Variants in MLLT11 observed in about 807,000 individuals in gnomAD.
The protein encoded by MLLT11 is MLLT11 transcription factor 7 cofactor.
Under a neutral mutation model 5.3 loss-of-function variants are expected in MLLT11, and 1 was observed. That is an observed-to-expected ratio of 0.19 (90% CI 0.07 to 0.89). The LOEUF is 0.89. Among genes scored for constraint, MLLT11 ranks in the 40% least tolerant of loss-of-function variants. MLLT11 has a pLI of 0.67. For synonymous variants in MLLT11, 38 were observed against 41.7 expected, an observed-to-expected ratio of 0.91 and a Z score of 0.34; for missense variants, 87 against 107.3, an observed-to-expected ratio of 0.81 and a Z score of 0.83.
intron 1 of MLLT11, among the ~76,000 whole-genome samples, chr1:151,065,026 C>A (rs1295907400): frequency 6.6e-6 from 1 of 151,954 alleles, no homozygotes; most frequent in Non-Finnish European, 1.5e-5. Flanking sequence ...GGGTGGAGAG[C>A]ATTTGTGGAG....
chr1:151,069,251 T>C lies in MLLT11; in HGVS notation c.*1754T>C, dbSNP rs1236160219. Among the ~76,000 whole-genome samples the C allele has an allele frequency of 6.6e-6, 1 of 152,056 alleles. No homozygotes were observed. Among genetic ancestry groups the C allele is most frequent in the Admixed American group, 6.6e-5 (1 of 15,256 alleles). On this transcript the variant is annotated 3_prime_UTR_variant, in exon 2 of 2. Transcript: ENST00000368921. Reference sequence around the variant, plus strand: ...GAGAAACTGTAAATACCAATATGGATAGGACAGAATTGGGCAGTGTACTAT... The same window carrying C: ...GAGAAACTGTAAATACCAATATGGACAGGACAGAATTGGGCAGTGTACTAT...
Position 151,067,474 on chromosome 1 carries a change from T to G in MLLT11, c.250T>G (p.Ser84Ala). ...GAGAGCTCCCATTGCCAGCATCCAC[T>G]CCTTCGAACTGGACTTGCTCTAAGG... Reference protein sequence around the residue: ...FWRAPIASIHSFELDLL With the variant: ...FWRAPIASIHAFELDLL The change falls in exon 2 of 2, where the codon TCC becomes GCC. Residue 84 changes from serine (S) to alanine (A), a missense_variant. By Grantham distance (99) the Ser-to-Ala change is moderately conservative. Coordinates refer to ENST00000368921, the MANE Select transcript of MLLT11 (RefSeq NM_006818.4). 6.2e-7 allele frequency: 1 copy of G among 1,613,886 alleles called. No individual in the cohort carries two copies. Among genetic ancestry groups the G allele is most frequent in the African/African-American group, 1.3e-5 (1 of 75,024 alleles).
rs1201280235 is a variant in MLLT11, at chr1:151,068,196, CTG to C, written c.*702_*703del. The C allele has an allele frequency of 4.2e-6, 1 of 239,124 alleles. No homozygotes were observed. Among genetic ancestry groups the C allele is most frequent in the Non-Finnish European group, 8.9e-6 (1 of 112,754 alleles). 14.8% of individuals were successfully genotyped at this position (239,124 alleles called of 1,614,324 possible). On this transcript the variant is annotated 3_prime_UTR_variant, in exon 2 of 2. Transcript: ENST00000368921. ...ACTCACTTTACAACTTTGCTCCTAACTGTGGGTTGAAAACTCTAGCTAAAGAA... is the reference window on the plus strand; with the variant it reads ...ACTCACTTTACAACTTTGCTCCTAACTGGGTTGAAAACTCTAGCTAAAGAA...
At position 151,067,740 on chromosome 1, in the gene MLLT11, C is replaced by CT. The variant is rs1239566331; in HGVS notation, c.*246dup. ...GAGTACTGGGTCACAGGGATTCCTCCTTTCCCCCCCAAATATTAACTCCAG... is the reference window on the plus strand; with the variant it reads ...GAGTACTGGGTCACAGGGATTCCTCCTTTTCCCCCCCAAATATTAACTCCAG... On this transcript the variant is annotated 3_prime_UTR_variant, in exon 2 of 2. Coordinates refer to ENST00000368921, the MANE Select transcript of MLLT11 (RefSeq NM_006818.4). 8.0e-5 allele frequency: 44 copies of CT among 548,818 alleles called. No individual in the cohort carries two copies. The Admixed American group carries it at 1.4e-3, about 18-fold the overall frequency. 34.0% of individuals were successfully genotyped at this position (548,818 alleles called of 1,614,324 possible).
At position 151,068,585 on chromosome 1, in the gene MLLT11, TTTTC is replaced by T. The variant is rs1454861974; in HGVS notation, c.*1092_*1095del. On this transcript the variant is annotated 3_prime_UTR_variant, in exon 2 of 2. Coordinates refer to ENST00000368921, the MANE Select transcript of MLLT11 (RefSeq NM_006818.4). The stretch of plus-strand genomic sequence containing the variant: ...TTCACACTTAGCTTATACATCTTTT[TTTTC>T]TTTTTTATTTTTGAGACAGGGTCCC... 1 of 179,354 alleles carries T rather than the reference TTTTC, an allele frequency of 5.6e-6. No homozygotes were observed. Among genetic ancestry groups the T allele is most frequent in the Non-Finnish European group, 1.2e-5 (1 of 82,100 alleles). 11.1% of individuals were successfully genotyped at this position (179,354 alleles called of 1,614,324 possible).
intron 1 of MLLT11, among the ~76,000 whole-genome samples, chr1:151,061,797 C>T (rs2102979447): frequency 6.6e-6 from 1 of 152,252 alleles, no homozygotes. Context: ...TGTAGTATTA[C>T]TTTATGTTCT....
At position 151,068,804 on chromosome 1, in the gene MLLT11, C is replaced by G. The variant is rs776200703; in HGVS notation, c.*1307C>G. Among the ~76,000 whole-genome samples the G allele has an allele frequency of 6.6e-6, 1 of 152,198 alleles. No individual in the cohort carries two copies. The highest frequency in any genetic ancestry group is 1.5e-5 in the Non-Finnish European group (1 of 68,036). On this transcript the variant is annotated 3_prime_UTR_variant, in exon 2 of 2. Coordinates refer to ENST00000368921, the MANE Select transcript of MLLT11 (RefSeq NM_006818.4). The stretch of plus-strand genomic sequence containing the variant: ...TTCACCATGTTGGCCAGGCTGGTCT[C>G]TAACTCCTGACCTCAGGTGATCTGC...
chr1:151,065,120 A>C (rs1461181129), intron 1 of MLLT11, among the ~76,000 whole-genome samples: 1 of 152,176 alleles, frequency 6.6e-6, no homozygotes, highest in Non-Finnish European at 1.5e-5. Flanking sequence ...TTAAATCAAA[A>C]ATTTCATTAC....
intron 1 of MLLT11, among the ~76,000 whole-genome samples, chr1:151,062,704 A>G (rs889679536): frequency 6.6e-6 from 1 of 152,134 alleles, no homozygotes; most frequent in African/African-American, 2.4e-5. Context: ...GGCCTGCATT[A>G]TACTAAGCTC....
chr1:151,065,843 T>C (rs1159327489), intron 1 of MLLT11, among the ~76,000 whole-genome samples: 1 of 152,124 alleles, frequency 6.6e-6, no homozygotes, highest in Admixed American at 6.6e-5. Context: ...TTGTTTTGTT[T>C]TGTCTTTTTG....
At position 151,067,523 on chromosome 1, in the gene MLLT11, C is replaced by T. The variant is rs11554231; in HGVS notation, c.*26C>T. ...GGCCAAGACTTCTCTCTCCCATCACCTTGCCCTCATTGTCTTCCCTCTCAA... is the reference window on the plus strand; with the variant it reads ...GGCCAAGACTTCTCTCTCCCATCACTTTGCCCTCATTGTCTTCCCTCTCAA... On this transcript the variant is annotated 3_prime_UTR_variant, in exon 2 of 2. Coordinates refer to ENST00000368921, the MANE Select transcript of MLLT11 (RefSeq NM_006818.4). The T allele has an allele frequency of 4.6e-5, 73 of 1,603,666 alleles. No homozygotes were observed. Among genetic ancestry groups the T allele is most frequent in the Non-Finnish European group, 6.1e-5 (72 of 1,173,582 alleles).
chr1:151,061,252 A>G (rs1038160426), intron 1 of MLLT11, among the ~76,000 whole-genome samples: 3 of 152,158 alleles, frequency 2.0e-5, no homozygotes, highest in Non-Finnish European at 4.4e-5. Flanking sequence ...GGCACACATT[A>G]TGAGATGTCA....
chr1:151,065,097 A>T (rs1229271763), intron 1 of MLLT11, among the ~76,000 whole-genome samples: 1 of 152,166 alleles, frequency 6.6e-6, no homozygotes, highest in Non-Finnish European at 1.5e-5. Context: ...TTGATAATTA[A>T]ATCCATACTA....
At position 151,068,163 on chromosome 1, in the gene MLLT11, T is replaced by C. The variant is rs1297673006; in HGVS notation, c.*666T>C. ...CTTTTCTCAAAAGAGTGTCCCTTCT[T>C]CACACCTACTCACTTTACAACTTTG... is the stretch of plus-strand genomic sequence containing the variant. On this transcript the variant is annotated 3_prime_UTR_variant, in exon 2 of 2. Coordinates refer to ENST00000368921, the MANE Select transcript of MLLT11 (RefSeq NM_006818.4). 1 of 239,888 alleles carries C rather than the reference T, an allele frequency of 4.2e-6. No individual in the cohort carries two copies. The highest frequency in any genetic ancestry group is 2.2e-5 in the African/African-American group (1 of 44,910). The allele number at this position is 239,888 out of a possible 1,614,324, so 14.9% of individuals were successfully genotyped here. A position where few individuals can be genotyped will look rare whatever the true frequency, so the allele number is the denominator to read the frequency against.
At chr1:151,066,028 C>T (rs112728090) in intron 1 of MLLT11, among the ~76,000 whole-genome samples, 93 of 151,320 alleles carry the variant, frequency 6.1e-4, no homozygotes, top group African/African-American at 1.9e-3. Context: ...TTTTTGTAGA[C>T]GGAGTTTTGC....
intron 1 of MLLT11, among the ~76,000 whole-genome samples, chr1:151,061,390 A>AT (rs1165663956): frequency 1.3e-5 from 2 of 152,148 alleles, no homozygotes; most frequent in Non-Finnish European, 2.9e-5. Flanking sequence ...GACAAAGGAT[A>AT]TTTGGGCGTG....
At chr1:151,067,165 T>C in intron 1 of MLLT11, 54 bp from the exon 2 acceptor site, 4 of 1,514,486 alleles carry the variant, frequency 2.6e-6, no homozygotes, top group Non-Finnish European at 2.7e-6. Flanking sequence ...GGAAAGGCCA[T>C]GGGCCACAAA....
At chr1:151,063,314 G>C (rs587744993) in intron 1 of MLLT11, among the ~76,000 whole-genome samples, 1 of 152,298 alleles carries the variant, frequency 6.6e-6, no homozygotes, top group Non-Finnish European at 1.5e-5. Flanking sequence ...AATAGGGTGT[G>C]TTGGAGAAAG....
In MLLT11 at chr1:151,067,358, T is replaced by C. The variant is rs770990780; in HGVS notation, c.134T>C (p.Val45Ala). 2.5e-6 allele frequency: 4 copies of C among 1,614,150 alleles called. No homozygotes were observed. The highest frequency in any genetic ancestry group is 2.2e-5 in the East Asian group (1 of 44,878). ...ACCTACAAGGTCAAAGACAGCAGCG[T>C]TGGCAAAATGATCGGGCAAGCAACT... ...TATYKVKDSS[V>A]GKMIGQATAA... The change falls in exon 2 of 2, where the codon GTT becomes GCT. Residue 45 changes from valine (V) to alanine (A), a missense_variant. Transcript: ENST00000368921.
Sources: allele counts gnomAD v4.1 joint callset (sites outside exome capture counted in the v4.1 genomes callset), GRCh38; gene constraint gnomAD v4.1.1; transcripts MANE v1.5; gene names NCBI Gene and HGNC (gene_info 2026-07-23, HGNC 2026-07-21).